The following LRRC17 variants were observed in gnomAD, a reference collection of about 807,000 sequenced individuals.
LRRC17 encodes leucine-rich repeat-containing protein 17.
In LRRC17, 33 loss-of-function variants were observed where a neutral mutation model predicts 41.5. That is an observed-to-expected ratio of 0.80 (90% CI 0.60 to 1.06). LRRC17 has a LOEUF of 1.06. Among genes scored for constraint, LRRC17 ranks in the 50% least tolerant of loss-of-function variants. LRRC17 has a pLI of 0.00. For synonymous variants in LRRC17, 192 were observed against 197.0 expected, an observed-to-expected ratio of 0.97 and a Z score of 0.21; for missense variants, 491 against 519.3, an observed-to-expected ratio of 0.95 and a Z score of 0.53.
At position 102,934,519 on chromosome 7, in the gene LRRC17, A is replaced by C; in HGVS notation, c.606A>C (p.Lys202Asn). Reference protein sequence around the residue: ...CESPQEQKNKKLRQIKSEQLC... With the variant: ...CESPQEQKNKNLRQIKSEQLC... ...GTCCACAAGAACAAAAAAATAAAAA[A>C]CTGCGGCAGATAAAATCTGAACAGT... is the stretch of plus-strand genomic sequence containing the variant. The change falls in exon 2 of 4, where the codon AAA (lysine) becomes AAC (asparagine). Residue 202 changes from lysine (K) to asparagine (N), a missense_variant. Coordinates refer to ENST00000339431, the MANE Select transcript of LRRC17 (RefSeq NM_001031692.3). The C allele has an allele frequency of 1.2e-6, 2 of 1,610,236 alleles. No homozygotes were observed. Among genetic ancestry groups the C allele is most frequent in the Non-Finnish European group, 1.7e-6 (2 of 1,179,070 alleles).
intron 3 of LRRC17, among the ~76,000 whole-genome samples, chr7:102,943,261 C>T (rs929888977): frequency 6.6e-6 from 1 of 151,692 alleles, no homozygotes; most frequent in Non-Finnish European, 1.5e-5. Context: ...TTTTTATCTG[C>T]ACTTGTCTTA....
intron 3 of LRRC17, among the ~76,000 whole-genome samples, chr7:102,941,526 A>C (rs1465594978): frequency 6.6e-6 from 1 of 152,138 alleles, no homozygotes; most frequent in African/African-American, 2.4e-5. Flanking sequence ...GCTCTGCATG[A>C]ATTACTCTTT....
chr7:102,937,471 C>T (rs1411846478), intron 2 of LRRC17, among the ~76,000 whole-genome samples: 1 of 146,300 alleles, frequency 6.8e-6, no homozygotes, highest in East Asian at 2.0e-4. Context: ...CACGCCACTG[C>T]ACTCCAGCCT....
At chr7:102,928,654 G>GTA in intron 1 of LRRC17, among the ~76,000 whole-genome samples, 1 of 152,288 alleles carries the variant, frequency 6.6e-6, no homozygotes, top group East Asian at 1.9e-4. Flanking sequence ...CACAACTGAA[G>GTA]CTCCCTGAGG....
chr7:102,927,890 T>C (rs1818438254), intron 1 of LRRC17, among the ~76,000 whole-genome samples: 1 of 152,212 alleles, frequency 6.6e-6, no homozygotes. Context: ...TTGAAAACGT[T>C]TGGCATGCCA....
chr7:102,944,069 AG>A, intron 3 of LRRC17, 140 bp from the exon 4 acceptor site: 2 of 661,234 alleles, frequency 3.0e-6, no homozygotes, highest in South Asian at 5.4e-5. Flanking sequence ...AAAAGCTCTG[AG>A]AAAAAGAAAG....
Position 102,934,654 on chromosome 7 carries a change from T to C in LRRC17, c.741T>C (p.Phe247=). ...CAACTTTTTGCCACAATTATGTGTT[T>C]CCCATACAAACACTGGACTGCAAAA... ...VDSTFCHNYV[F]PIQTLDCKRK... Residue 247 remains phenylalanine (F), a synonymous_variant, in exon 2 of 4, where the codon TTT becomes TTC. Transcript: ENST00000339431. The C allele has an allele frequency of 6.2e-7, 1 of 1,602,336 alleles. No individual in the cohort carries two copies. The highest frequency in any genetic ancestry group is 8.5e-7 in the Non-Finnish European group (1 of 1,176,952).
At chr7:102,923,605 G>A (rs189262349) in intron 1 of LRRC17, among the ~76,000 whole-genome samples, 163 of 150,244 alleles carry the variant, frequency 1.1e-3, no homozygotes, top group African/African-American at 3.5e-3. Context: ...GGCGGATCAC[G>A]AGGTCAGGAG....
chr7:102,925,066 G>A (rs574852100), intron 1 of LRRC17, among the ~76,000 whole-genome samples: 2 of 152,322 alleles, frequency 1.3e-5, no homozygotes, highest in African/African-American at 4.8e-5. Flanking sequence ...CTCTCCTAGT[G>A]TGATCATATA....
rs1822147379 is a variant in LRRC17 at position 102,944,694 on chromosome 7, C to T, written c.*87C>T. The T allele has an allele frequency of 1.7e-6, 2 of 1,201,712 alleles. No individual in the cohort carries two copies. The highest frequency in any genetic ancestry group is 2.6e-5 in the Admixed American group (1 of 39,196). 74.4% of individuals were successfully genotyped at this position (1,201,712 alleles called of 1,614,324 possible). A position where few individuals can be genotyped will look rare whatever the true frequency, so the allele number is the denominator to read the frequency against. On this transcript the variant is annotated 3_prime_UTR_variant, in exon 4 of 4. Transcript: ENST00000339431. Reference sequence around the variant, plus strand: ...TGTTTACATTTGATTAACTGTGTTGCCTATTTATGCAGGGTAATCCAGCTA... The same window carrying T: ...TGTTTACATTTGATTAACTGTGTTGTCTATTTATGCAGGGTAATCCAGCTA...
intron 1 of LRRC17, among the ~76,000 whole-genome samples, chr7:102,923,966 G>A (rs1346607322): frequency 2.6e-5 from 4 of 151,996 alleles, no homozygotes; most frequent in African/African-American, 7.2e-5. Flanking sequence ...TAGGCTGGGC[G>A]CAGTGGCTCA....
At chr7:102,931,916 G>A (rs149803390) in intron 1 of LRRC17, 4 of 1,613,454 alleles carry the variant, frequency 2.5e-6, no homozygotes, top group Non-Finnish European at 3.4e-6. Context: ...TTCAACTCTT[G>A]CAAGTTCCTA....
At position 102,944,812 on chromosome 7, in the gene LRRC17, G is replaced by C. The variant is rs111664365; in HGVS notation, c.*205G>C. 2.0e-6 allele frequency: 1 copy of C among 497,812 alleles called. No homozygotes were observed. 30.8% of individuals were successfully genotyped at this position (497,812 alleles called of 1,614,324 possible). ...TGCTTGCCTGTCCATTTGTGGAACA[G>C]CATCTGGTGATATGCAATTCCACAC... On this transcript the variant is annotated 3_prime_UTR_variant, in exon 4 of 4. Transcript: ENST00000339431.
Position 102,934,272 on chromosome 7 carries a change from T to C in LRRC17, c.359T>C (p.Ile120Thr). Residue 120 changes from isoleucine to threonine, a missense_variant, in exon 2 of 4, where the codon ATT (isoleucine) becomes ACT (threonine). By Grantham distance (89) the Ile-to-Thr change is moderately conservative. Transcript: ENST00000339431. ...LDLQQNEISK[I>T]ESEAFFGLNK... is the part of the protein sequence containing the mutation. ...CTGCAGCAGAATGAGATCTCTAAAA[T>C]TGAGAGTGAGGCGTTCTTTGGTTTA... 1 of 1,614,180 alleles carries C rather than the reference T, an allele frequency of 6.2e-7. No homozygotes were observed. Among genetic ancestry groups the C allele is most frequent in the Non-Finnish European group, 8.5e-7 (1 of 1,180,018 alleles).
intron 1 of LRRC17, among the ~76,000 whole-genome samples, chr7:102,924,296 C>A (rs1032619675): frequency 6.6e-6 from 1 of 151,434 alleles, no homozygotes; most frequent in African/African-American, 2.4e-5. Context: ...AAAAAACAGG[C>A]CTTGGGCCAC....
At chr7:102,918,374 T>C (rs1459629353) in intron 1 of LRRC17, among the ~76,000 whole-genome samples, 1 of 152,202 alleles carries the variant, frequency 6.6e-6, no homozygotes, top group Non-Finnish European at 1.5e-5. Context: ...CTACTAAAGG[T>C]ATAACTTCAT....
chr7:102,926,111 AC>A (rs765517275), intron 1 of LRRC17, among the ~76,000 whole-genome samples: 5 of 152,222 alleles, frequency 3.3e-5, no homozygotes, highest in Non-Finnish European at 7.3e-5. Context: ...CAGTTCAGGC[AC>A]CAGCTTAGGG....
chr7:102,942,983 TGAAA>T (rs1310182451), intron 3 of LRRC17, among the ~76,000 whole-genome samples: 1 of 146,162 alleles, frequency 6.8e-6, no homozygotes, highest in Admixed American at 6.7e-5. Context: ...TCTTAGAGGG[TGAAA>T]AAAGCTTTTT....
chr7:102,923,493 T>G (rs868513606), intron 1 of LRRC17, among the ~76,000 whole-genome samples: 27 of 152,174 alleles, frequency 1.8e-4, no homozygotes, highest in Non-Finnish European at 3.4e-4. Context: ...AGAAAAATGT[T>G]AGAAAGTAAT....
Sources: allele counts gnomAD v4.1 joint callset (sites outside exome capture counted in the v4.1 genomes callset), GRCh38; gene constraint gnomAD v4.1.1; transcripts MANE v1.5; gene names NCBI Gene and HGNC (gene_info 2026-07-23, HGNC 2026-07-21).